Variants in PTPRK observed in about 807,000 individuals in gnomAD.
The protein encoded by PTPRK is protein tyrosine phosphatase receptor type K, also known as receptor-type tyrosine-protein phosphatase kappa.
PTPRK carries 75 observed loss-of-function variants against 178.0 expected under a neutral mutation model. That is an observed-to-expected ratio of 0.42 (90% CI 0.35 to 0.51). The LOEUF is 0.51. PTPRK is among the 20% of genes least tolerant of loss of function. The probability of loss-of-function intolerance (pLI) is 0.02; values close to 1 mark genes in which losing one functional copy is unlikely to be tolerated. For synonymous variants in PTPRK, 637 were observed against 620.6 expected (o/e 1.03, Z -0.39); for missense variants, 1,441 against 1,797.8 (o/e 0.80, Z 3.59).
At position 128,517,759 on chromosome 6, in the gene PTPRK, A is replaced by G. The variant is rs9491980; in HGVS notation, c.100+2500T>C. ...CTTACTACATTAGGAACCACATGAT[A>G]TCGGAAAGTAAACTGATCTTAATGA... On this transcript the variant is annotated intron_variant, in intron 1 of 29. Transcript: ENST00000368226. Among the ~76,000 whole-genome samples, 1,295 of 152,360 alleles carry G rather than the reference A, an allele frequency of 8.5e-3. 22 individuals are homozygous for G. The highest frequency in any genetic ancestry group is 0.03 in the African/African-American group (1,249 of 41,594).
chr6:128,300,248 G>A (rs1490919780), intron 3 of PTPRK, among the ~76,000 whole-genome samples: 2 of 151,992 alleles, frequency 1.3e-5, no homozygotes, highest in South Asian at 2.1e-4. Flanking sequence ...ATATGGAGAA[G>A]TACGAACACT....
At chr6:128,497,888 A>T (rs1422785488) in intron 1 of PTPRK, among the ~76,000 whole-genome samples, 1 of 152,130 alleles carries the variant, frequency 6.6e-6, no homozygotes, top group Non-Finnish European at 1.5e-5. Flanking sequence ...TGAACTGTAG[A>T]ACATTTTAAA....
At chr6:128,158,495 T>C (rs1798252934) in intron 7 of PTPRK, among the ~76,000 whole-genome samples, 1 of 152,048 alleles carries the variant, frequency 6.6e-6, no homozygotes, top group African/African-American at 2.4e-5. Flanking sequence ...CTGAGCTGTA[T>C]GTACGCTGGA....
At chr6:128,289,499 T>A (rs1823029519) in intron 3 of PTPRK, among the ~76,000 whole-genome samples, 1 of 152,180 alleles carries the variant, frequency 6.6e-6, no homozygotes, top group Non-Finnish European at 1.5e-5. Flanking sequence ...AACAATGTAT[T>A]TGATTCTCTA....
Position 128,415,484 on chromosome 6 carries a change from C to T in PTPRK, c.101-17796G>A, listed in dbSNP as rs569455522. 5.4e-5 allele frequency among the ~76,000 whole-genome samples: 8 copies of T among 147,046 alleles called. No individual in the cohort carries two copies. The East Asian group carries it at 1.6e-3, about 30-fold the overall frequency. ...CCTATTTTCAGTGGTGAAAAACATGCCATTTGAGATATGCAGTGAGAAAAA... is the reference window on the plus strand; with the variant it reads ...CCTATTTTCAGTGGTGAAAAACATGTCATTTGAGATATGCAGTGAGAAAAA... On this transcript the variant is annotated intron_variant, in intron 1 of 29. Coordinates refer to ENST00000368226, the MANE Select transcript of PTPRK (RefSeq NM_002844.4).
At position 127,988,825 on chromosome 6, in the gene PTPRK, AT is replaced by A. The variant is rs1200610435; in HGVS notation, c.3096+1943del. Among the ~76,000 whole-genome samples the A allele has an allele frequency of 4.6e-5, 7 of 151,618 alleles. No individual in the cohort carries two copies. In the East Asian group the frequency reaches 1.4e-3, roughly 29 times the overall value. On this transcript the variant is annotated intron_variant, in intron 21 of 29. Transcript: ENST00000368226. ...TTTTTCTCATTTGTTTCTTTTTTAT[AT>A]TTAATTTTTCCTTTGTTCTATTCTA...
At chr6:128,212,777 A>C (rs1445339857) in intron 6 of PTPRK, among the ~76,000 whole-genome samples, 1 of 152,082 alleles carries the variant, frequency 6.6e-6, no homozygotes, top group Non-Finnish European at 1.5e-5. Flanking sequence ...AAATAAACTG[A>C]GAAACCTTTA....
intron 2 of PTPRK, among the ~76,000 whole-genome samples, chr6:128,343,976 G>C (rs985699947): frequency 6.6e-6 from 1 of 152,140 alleles, no homozygotes; most frequent in African/African-American, 2.4e-5. Context: ...AGTGATTTTC[G>C]TAACACTTCC....
At chr6:128,075,195 A>G (rs866997841) in intron 11 of PTPRK, among the ~76,000 whole-genome samples, 36 of 152,112 alleles carry the variant, frequency 2.4e-4, no homozygotes, top group African/African-American at 8.4e-4. Flanking sequence ...AAAATGGCCC[A>G]TTAGCACTTC....
chr6:128,476,751 T>C (rs1584898704), intron 1 of PTPRK, among the ~76,000 whole-genome samples: 1 of 152,030 alleles, frequency 6.6e-6, no homozygotes, highest in African/African-American at 2.4e-5. Context: ...GCAAATGCAT[T>C]CATAGTTTTC....
Position 128,386,158 on chromosome 6 carries a change from T to C in PTPRK, c.223+11408A>G, listed in dbSNP as rs191646158. 1.3e-3 allele frequency among the ~76,000 whole-genome samples: 202 copies of C among 152,340 alleles called. 2 individuals carry two copies. The highest frequency in any genetic ancestry group is 4.5e-3 in the African/African-American group (188 of 41,586). On this transcript the variant is annotated intron_variant, in intron 2 of 29. Coordinates refer to ENST00000368226, the MANE Select transcript of PTPRK (RefSeq NM_002844.4). ...TTCTGACATCTAAGATATTCAGTAA[T>C]AGATTTTTTTTCTACTTTTCTTTAC...
intron 13 of PTPRK, among the ~76,000 whole-genome samples, chr6:128,023,917 G>A (rs1329141735): frequency 6.6e-6 from 1 of 151,366 alleles, no homozygotes; most frequent in Non-Finnish European, 1.5e-5. Flanking sequence ...CAATCTGCCT[G>A]CCTTGGCCTC....
chr6:128,153,475 C>G (rs1192837533), intron 7 of PTPRK, among the ~76,000 whole-genome samples: 1 of 151,630 alleles, frequency 6.6e-6, no homozygotes, highest in Admixed American at 6.6e-5. Flanking sequence ...TATATGCTAT[C>G]AAAAGAAAAA....
intron 2 of PTPRK, among the ~76,000 whole-genome samples, chr6:128,393,537 A>C (rs1839900151): frequency 6.6e-6 from 1 of 152,208 alleles, no homozygotes; most frequent in Non-Finnish European, 1.5e-5. Context: ...AGTCAGGAAA[A>C]TCTTCTCAAA....
At chr6:128,510,608 T>C (rs1228482566) in intron 1 of PTPRK, among the ~76,000 whole-genome samples, 1 of 152,280 alleles carries the variant, frequency 6.6e-6, no homozygotes, top group East Asian at 1.9e-4. Flanking sequence ...AATAAATAAA[T>C]GCATACATGC....
At chr6:128,423,337 C>G (rs1362342016) in intron 1 of PTPRK, among the ~76,000 whole-genome samples, 1 of 151,972 alleles carries the variant, frequency 6.6e-6, no homozygotes, top group Non-Finnish European at 1.5e-5. Flanking sequence ...AAATTATATA[C>G]TGAATATGCT....
intron 1 of PTPRK, among the ~76,000 whole-genome samples, chr6:128,402,361 G>A (rs1364052581): frequency 3.3e-5 from 5 of 152,086 alleles, no homozygotes; most frequent in African/African-American, 7.2e-5. Context: ...AGGTTTAAGC[G>A]ATCCTCCTGC....
chr6:127,978,992 C>G (rs1167722402), intron 25 of PTPRK, among the ~76,000 whole-genome samples: 1 of 151,910 alleles, frequency 6.6e-6, no homozygotes, highest in African/African-American at 2.4e-5. Context: ...TATGAAATGT[C>G]TTTTTTTTGA....
chr6:128,493,287 G>A (rs1329030345), intron 1 of PTPRK, among the ~76,000 whole-genome samples: 2 of 152,162 alleles, frequency 1.3e-5, no homozygotes, highest in African/African-American at 2.4e-5. Context: ...AACTGGCTGG[G>A]CGCGGTGGCT....
Sources: allele counts gnomAD v4.1 joint callset (sites outside exome capture counted in the v4.1 genomes callset), GRCh38; gene constraint gnomAD v4.1.1; transcripts MANE v1.5; gene names NCBI Gene and HGNC (gene_info 2026-07-23, HGNC 2026-07-21).